The following BCAR3 variants were observed in gnomAD, a reference collection of about 807,000 sequenced individuals.
The protein encoded by BCAR3 is BCAR3 adaptor protein, NSP family member.
A neutral mutation model predicts 80.1 loss-of-function variants in BCAR3; 37 were observed. The ratio of observed to expected loss-of-function variants is 0.46; its 90% CI spans 0.36 to 0.61. BCAR3 has a LOEUF of 0.61. Ranked by LOEUF, BCAR3 falls within the 20% of genes least tolerant of loss-of-function variation. BCAR3 has a pLI of 0.00. For synonymous variants in BCAR3, 389 were observed against 418.9 expected (o/e 0.93, Z 0.87); for missense variants, 978 against 1,068.2 (o/e 0.92, Z 1.18).
At chr1:93,641,826 C>T (rs1675985727) in intron 3 of BCAR3, among the ~76,000 whole-genome samples, 1 of 152,038 alleles carries the variant, frequency 6.6e-6, no homozygotes, top group Admixed American at 6.6e-5. Flanking sequence ...ATTCCAAAAT[C>T]CAAAAAACTC....
intron 2 of BCAR3, among the ~76,000 whole-genome samples, chr1:93,714,195 A>G (rs964220758): frequency 6.6e-6 from 1 of 152,072 alleles, no homozygotes; most frequent in Non-Finnish European, 1.5e-5. Context: ...GTTAGCCAGG[A>G]TGGTCTCGAT....
chr1:93,799,125 C>A (rs1350255925), intron 2 of BCAR3, among the ~76,000 whole-genome samples: 1 of 152,162 alleles, frequency 6.6e-6, no homozygotes, highest in Admixed American at 6.5e-5. Context: ...TATGATAATG[C>A]CTGAAATGGC....
chr1:93,739,903 G>T (rs1651118293), intron 2 of BCAR3, among the ~76,000 whole-genome samples: 1 of 152,074 alleles, frequency 6.6e-6, no homozygotes. Flanking sequence ...AGGCATCATG[G>T]CCCATGCCTG....
chr1:93,599,783 C>T (rs1674561743), intron 3 of BCAR3: 1 of 152,230 alleles, frequency 6.6e-6, no homozygotes, highest in South Asian at 2.1e-4. Flanking sequence ...GCCTGATCTT[C>T]GCCCTTTTCC....
chr1:93,649,478 G>C (rs1676254999), intron 2 of BCAR3, among the ~76,000 whole-genome samples: 2 of 151,912 alleles, frequency 1.3e-5, no homozygotes, highest in East Asian at 3.9e-4. Context: ...GAAGTGTGGT[G>C]AGTGTTCACA....
intron 2 of BCAR3, among the ~76,000 whole-genome samples, chr1:93,744,974 C>T (rs1651306827): frequency 6.6e-6 from 1 of 152,234 alleles, no homozygotes; most frequent in South Asian, 2.1e-4. Flanking sequence ...TTCTTTTTTA[C>T]TTAATTACCT....
At chr1:93,712,596 G>A (rs1370978485) in intron 2 of BCAR3, among the ~76,000 whole-genome samples, 1 of 152,062 alleles carries the variant, frequency 6.6e-6, no homozygotes, top group Non-Finnish European at 1.5e-5. Flanking sequence ...TTCTCACTAG[G>A]TTCTCTCCTT....
chr1:93,715,493 A>G (rs1353125277), intron 2 of BCAR3, among the ~76,000 whole-genome samples: 1 of 152,142 alleles, frequency 6.6e-6, no homozygotes, highest in African/African-American at 2.4e-5. Flanking sequence ...CTGATTGATG[A>G]TGGGGCTGGG....
chr1:93,719,709 T>C (rs1650321151), intron 2 of BCAR3, among the ~76,000 whole-genome samples: 1 of 152,152 alleles, frequency 6.6e-6, no homozygotes, highest in Admixed American at 6.5e-5. Context: ...GCACTGGTGA[T>C]AAATGCTGAA....
chr1:93,758,777 G>T (rs1651831761), intron 2 of BCAR3, among the ~76,000 whole-genome samples: 1 of 152,130 alleles, frequency 6.6e-6, no homozygotes, highest in Non-Finnish European at 1.5e-5. Context: ...TCACCCCCTG[G>T]GTATCACTGC....
At chr1:93,658,018 G>A (rs995352176) in intron 2 of BCAR3, among the ~76,000 whole-genome samples, 2 of 149,602 alleles carry the variant, frequency 1.3e-5, no homozygotes, top group African/African-American at 2.5e-5. Flanking sequence ...CTGGCTCACT[G>A]TAACCTCCGC....
rs1001679441 is a variant in BCAR3 at position 93,592,198 on chromosome 1, C to T, written c.486+67G>A. On this transcript the variant is annotated intron_variant, in intron 4 of 11. Coordinates refer to ENST00000260502, the MANE Select transcript of BCAR3 (RefSeq NM_003567.4). The surrounding 1 kb of genome is among the most constrained non-coding windows in gnomAD (Gnocchi z 4.8). Reference sequence around the variant, plus strand: ...CATGTGGCCTCGGAGTGGGACCCTGCGGGTCATCAATCTGTACATTGCCTG... The same window carrying T: ...CATGTGGCCTCGGAGTGGGACCCTGTGGGTCATCAATCTGTACATTGCCTG... The T allele has an allele frequency of 2.9e-5, 47 of 1,595,798 alleles. 1 individual carries two copies. The highest frequency in any genetic ancestry group is 2.8e-4 in the South Asian group (25 of 89,598).
At chr1:93,732,479 G>A (rs938524743) in intron 2 of BCAR3, among the ~76,000 whole-genome samples, 1 of 152,140 alleles carries the variant, frequency 6.6e-6, no homozygotes, top group African/African-American at 2.4e-5. Flanking sequence ...GCCGGGAGTG[G>A]TGGTGGGTGC....
intron 2 of BCAR3, among the ~76,000 whole-genome samples, chr1:93,658,182 G>T (rs1466582899): frequency 6.6e-6 from 1 of 151,910 alleles, no homozygotes; most frequent in East Asian, 1.9e-4. Flanking sequence ...CTCGTGATCC[G>T]CCCGCCTCGG....
At chr1:93,773,178 C>G (rs890780628) in intron 2 of BCAR3, among the ~76,000 whole-genome samples, 3 of 152,190 alleles carry the variant, frequency 2.0e-5, no homozygotes, top group African/African-American at 7.2e-5. Flanking sequence ...ATGTTTCCTC[C>G]TGTTGACTAA....
intron 2 of BCAR3, among the ~76,000 whole-genome samples, chr1:93,660,870 A>G (rs1449229912): frequency 6.6e-6 from 1 of 151,946 alleles, no homozygotes; most frequent in Non-Finnish European, 1.5e-5. Context: ...GCCCGCCACC[A>G]TGCCTGGATA....
intron 2 of BCAR3, 148 bp from the exon 3 acceptor site, chr1:93,642,491 G>A: frequency 1.4e-6 from 1 of 720,768 alleles, no homozygotes; most frequent in Non-Finnish European, 2.4e-6. Context: ...GGGTGTGTGT[G>A]GTGGGGTGGG....
intron 3 of BCAR3, among the ~76,000 whole-genome samples, chr1:93,623,035 G>A (rs1224241490): frequency 6.6e-6 from 1 of 152,114 alleles, no homozygotes; most frequent in Admixed American, 6.5e-5. Context: ...TAGATGGGCT[G>A]GGGATCCACA....
In BCAR3 at chr1:93,778,483, A is replaced by G. The variant is rs543826725; in HGVS notation, c.-63+67084T>C. On this transcript the variant is annotated intron_variant, in intron 2 of 13. Transcript: ENST00000370244. Reference sequence around the variant, plus strand: ...GAATAGTATCAGAATAATAATACCAATATTATTACCAGCAATCTGATTACT... The same window carrying G: ...GAATAGTATCAGAATAATAATACCAGTATTATTACCAGCAATCTGATTACT... Among the ~76,000 whole-genome samples the G allele has an allele frequency of 9.2e-5, 14 of 152,250 alleles. No individual in the cohort carries two copies. The South Asian group carries it at 1.7e-3, about 18-fold the overall frequency.
Sources: gnomAD v4.1 joint callset for allele counts (sites outside exome capture counted in the v4.1 genomes callset) on GRCh38, gnomAD v4.1.1 for gene constraint, Gnocchi (gnomAD v3.1) non-coding constraint, MANE v1.5 for transcripts, NCBI Gene and HGNC (gene_info 2026-07-23, HGNC 2026-07-21) for gene names.